Variants in CFAP251 observed in about 807,000 individuals in gnomAD.
CFAP251 encodes cilia- and flagella-associated protein 251.
In CFAP251, 93 loss-of-function variants were observed where a neutral mutation model predicts 126.7. The ratio of observed to expected loss-of-function variants is 0.73; its 90% CI spans 0.62 to 0.87. The LOEUF (loss-of-function observed/expected upper bound fraction) is 0.87, where lower values mean the gene tolerates loss of function less well. CFAP251 is among the 40% of genes least tolerant of loss of function. The pLI, the probability that CFAP251 is intolerant of heterozygous loss-of-function variation, is 0.00. For missense variants in CFAP251, 1,287 were observed against 1,389.2 expected (o/e 0.93, Z 1.17); for synonymous variants, 503 against 506.9 (o/e 0.99, Z 0.10).
At chr12:121,935,813 G>T (rs191733742) in intron 5 of CFAP251, among the ~76,000 whole-genome samples, 9 of 152,348 alleles carry the variant, frequency 5.9e-5, no homozygotes, top group African/African-American at 2.2e-4. Context: ...GAAGGCCGGG[G>T]TTGTGTTCCC....
chr12:121,963,231 G>A (rs1592989259), intron 15 of CFAP251, among the ~76,000 whole-genome samples: 2 of 152,192 alleles, frequency 1.3e-5, no homozygotes, highest in Admixed American at 1.3e-4. Flanking sequence ...TGCCGGCAAA[G>A]CGAACAGCGT....
chr12:121,925,814 T>C (rs970128486), intron 3 of CFAP251, among the ~76,000 whole-genome samples: 6 of 152,296 alleles, frequency 3.9e-5, no homozygotes, highest in Admixed American at 1.3e-4. Flanking sequence ...TTTTCTAGAC[T>C]GTCTTCCTTT....
intron 19 of CFAP251, among the ~76,000 whole-genome samples, chr12:121,993,761 C>A (rs1882942015): frequency 6.6e-6 from 1 of 151,098 alleles, no homozygotes; most frequent in South Asian, 2.1e-4. Flanking sequence ...TGAGGAGCCC[C>A]TCTGCCCGGC....
chr12:121,943,710 C>CCA (rs1347876095), intron 7 of CFAP251, among the ~76,000 whole-genome samples: 1 of 152,170 alleles, frequency 6.6e-6, no homozygotes, highest in Non-Finnish European at 1.5e-5. Context: ...CAGGCATGAG[C>CCA]CACTGCACCT....
Position 121,921,475 on chromosome 12 carries a change from CG to C in CFAP251, c.173del (p.Gly58AlafsTer41), listed in dbSNP as rs779042678. 4.9e-6 allele frequency: 3 copies of C among 614,212 alleles called. No individual in the cohort carries two copies. In the African/African-American group the frequency reaches 1.1e-4, roughly 22 times the overall value. The allele number at this position is 614,212 out of a possible 1,614,324, so 38.0% of individuals were successfully genotyped here. A position where few individuals can be genotyped will look rare whatever the true frequency, so the allele number is the denominator to read the frequency against. On this transcript the variant is annotated frameshift_variant, in exon 2 of 22. Coordinates refer to ENST00000288912, the MANE Select transcript of CFAP251 (RefSeq NM_144668.6). LOFTEE classifies it high-confidence loss of function. ...WRESQEEERKTGEEEGEEEGK... is the reference protein window; with the variant it reads ...WRESQEEERKXGEEEGEEEGK... ...GAGTCTCAGGAGGAGGAGAGGAAAA[CG>C]GGCGAGGAGGAAGGGGAGGAGGAGG...
intron 12 of CFAP251, 71 bp from the exon 13 acceptor site, chr12:121,958,872 G>A: frequency 6.6e-7 from 1 of 1,512,810 alleles, no homozygotes; most frequent in South Asian, 1.3e-5. Context: ...CCAGAACAAA[G>A]CCTGGCACAG....
chr12:121,994,396 G>T (rs111809979), intron 19 of CFAP251, among the ~76,000 whole-genome samples: 1 of 83,332 alleles, frequency 1.2e-5, no homozygotes, highest in Non-Finnish European at 2.6e-5. Flanking sequence ...GCCTCTGCCC[G>T]GCCGCCCCTA....
In CFAP251 at chr12:121,977,007, A is replaced by C. The variant is rs78169774; in HGVS notation, c.3006+1322A>C. ...ACATATTTATATAATCATATATATAATCATGCATCATTTAATGTTGGGGAG... is the reference window on the plus strand; with the variant it reads ...ACATATTTATATAATCATATATATACTCATGCATCATTTAATGTTGGGGAG... On this transcript the variant is annotated intron_variant, in intron 19 of 21. Transcript: ENST00000288912. 1.3e-3 allele frequency among the ~76,000 whole-genome samples: 196 copies of C among 152,346 alleles called. 5 individuals carry two copies. In the East Asian group the frequency reaches 0.036, roughly 28 times the overall value.
intron 11 of CFAP251, among the ~76,000 whole-genome samples, chr12:121,957,703 C>A (rs1438103793): frequency 0.011 from 1,223 of 110,716 alleles, no homozygotes; most frequent in East Asian, 0.013. Context: ...GACTCTGTCT[C>A]AAAAAAAAAA....
intron 4 of CFAP251, chr12:121,932,476 C>G (rs1486087145): frequency 1.3e-5 from 2 of 152,634 alleles, no homozygotes; most frequent in African/African-American, 4.8e-5. Context: ...TCTGAGCCTC[C>G]CCCATTTGTC....
intron 19 of CFAP251, among the ~76,000 whole-genome samples, chr12:121,988,926 G>T (rs1593005177): frequency 6.6e-6 from 1 of 152,004 alleles, no homozygotes; most frequent in East Asian, 1.9e-4. Flanking sequence ...AGTAGAGATG[G>T]GGTTTCACCA....
intron 11 of CFAP251, 151 bp from the exon 12 acceptor site, chr12:121,958,121 G>T: frequency 8.7e-7 from 1 of 1,151,022 alleles, no homozygotes; most frequent in East Asian, 2.4e-5. Context: ...AGGCTGTTGG[G>T]TATTGGTGGT....
chr12:121,982,223 A>G (rs1164093909), intron 19 of CFAP251, among the ~76,000 whole-genome samples: 1 of 150,952 alleles, frequency 6.6e-6, no homozygotes, highest in Non-Finnish European at 1.5e-5. Flanking sequence ...TTTTTTTTTT[A>G]AGAGGCAGTG....
At chr12:121,953,964 C>A in intron 9 of CFAP251, 156 bp from the exon 10 acceptor site, 1 of 718,876 alleles carries the variant, frequency 1.4e-6, no homozygotes, top group Non-Finnish European at 2.3e-6. Flanking sequence ...ACTGCCTGGA[C>A]CATGGCAATT....
intron 20 of CFAP251, among the ~76,000 whole-genome samples, chr12:122,000,409 G>A (rs1050290591): frequency 2.6e-5 from 4 of 151,780 alleles, no homozygotes; most frequent in Non-Finnish European, 5.9e-5. Flanking sequence ...AAAATTAGCC[G>A]GGTATGGTGG....
In CFAP251 at chr12:121,942,955, C is replaced by A. The variant is rs567709548; in HGVS notation, c.1171C>A (p.Pro391Thr). The change falls in exon 7 of 22, where the codon CCC (proline) becomes ACC (threonine). Residue 391 changes from proline (P) to threonine (T), a missense_variant. Pro to Thr is a conservative substitution (Grantham distance 38). Coordinates refer to ENST00000288912, the MANE Select transcript of CFAP251 (RefSeq NM_144668.6). ...VETPACTLEL[P>T]TEYGVQNYVT... ...AACGCCAGCATGCACTCTCGAACTCCCCACAGAGTACGGTGTTCAGGTGAG... is the reference window on the plus strand; with the variant it reads ...AACGCCAGCATGCACTCTCGAACTCACCACAGAGTACGGTGTTCAGGTGAG... The A allele has an allele frequency of 2.5e-6, 4 of 1,614,158 alleles. No individual in the cohort carries two copies. In the South Asian group the frequency reaches 4.4e-5, roughly 18 times the overall value.
At chr12:121,960,445 C>T (rs1410066150) in intron 13 of CFAP251, 140 bp from the exon 14 acceptor site, 20 of 805,138 alleles carry the variant, frequency 2.5e-5, no homozygotes, top group East Asian at 1.1e-4. Context: ...CTCAAACTCC[C>T]GACCTCAGGT....
intron 5 of CFAP251, among the ~76,000 whole-genome samples, chr12:121,935,574 G>T (rs757590875): frequency 3.3e-5 from 5 of 152,214 alleles, no homozygotes; most frequent in African/African-American, 4.8e-5. Flanking sequence ...AAGGAGTACA[G>T]GTCAGGGATT....
chr12:121,983,990 C>T (rs1378312625), intron 19 of CFAP251, among the ~76,000 whole-genome samples: 1 of 152,212 alleles, frequency 6.6e-6, no homozygotes, highest in African/African-American at 2.4e-5. Context: ...CGCTCCCCCT[C>T]CTTCAGGAAG....
Sources: gnomAD v4.1 joint callset for allele counts (sites outside exome capture counted in the v4.1 genomes callset) on GRCh38, gnomAD v4.1.1 for gene constraint, MANE v1.5 for transcripts, NCBI Gene and HGNC (gene_info 2026-07-23, HGNC 2026-07-21) for gene names.